RAP1GDS1: variants seen among roughly 807,000 people sequenced by gnomAD.
RAP1GDS1 encodes Rap1 GTPase-GDP dissociation stimulator 1.
A neutral mutation model predicts 71.1 loss-of-function variants in RAP1GDS1; 35 were observed. That is an observed-to-expected ratio of 0.49 (90% CI 0.38 to 0.65). The LOEUF (loss-of-function observed/expected upper bound fraction) is 0.65. Among genes scored for constraint, RAP1GDS1 ranks in the 30% least tolerant of loss-of-function variants. The pLI is 0.00. For missense variants in RAP1GDS1, 663 were observed against 706.1 expected (o/e 0.94, Z 0.69); for synonymous variants, 229 against 243.1 (o/e 0.94, Z 0.54).
intron 5 of RAP1GDS1, among the ~76,000 whole-genome samples, chr4:98,388,923 TAAG>T (rs1182419740): frequency 6.6e-5 from 10 of 152,230 alleles, no homozygotes; most frequent in Non-Finnish European, 1.2e-4. Flanking sequence ...CATTTTAAAA[TAAG>T]AAACCTATTA....
At chr4:98,291,899 A>G (rs1350791517) in intron 1 of RAP1GDS1, among the ~76,000 whole-genome samples, 2 of 152,176 alleles carry the variant, frequency 1.3e-5, no homozygotes, top group Non-Finnish European at 2.9e-5. Flanking sequence ...CAGGGCAACT[A>G]ACCTTTAAGG....
chr4:98,395,582 A>T (rs912604602), intron 6 of RAP1GDS1, among the ~76,000 whole-genome samples: 13 of 152,206 alleles, frequency 8.5e-5, no homozygotes, highest in African/African-American at 3.1e-4. Flanking sequence ...TTGGGAAAAA[A>T]GTGAAAGGTT....
intron 4 of RAP1GDS1, among the ~76,000 whole-genome samples, chr4:98,376,330 A>G (rs1242497686): frequency 6.6e-5 from 10 of 152,022 alleles, no homozygotes; most frequent in Non-Finnish European, 1.2e-4. Flanking sequence ...AGGATAGGGA[A>G]CCTTTTGAGA....
At chr4:98,270,717 T>C (rs997244748) in intron 1 of RAP1GDS1, among the ~76,000 whole-genome samples, 2 of 149,628 alleles carry the variant, frequency 1.3e-5, no homozygotes, top group East Asian at 3.9e-4. Flanking sequence ...TCCACTTCCA[T>C]GTGGATTTTT....
At chr4:98,325,863 G>C (rs931060498) in intron 2 of RAP1GDS1, among the ~76,000 whole-genome samples, 6 of 150,762 alleles carry the variant, frequency 4.0e-5, no homozygotes, top group Non-Finnish European at 1.5e-5. Context: ...CATGGCACAT[G>C]TATACATATG....
At chr4:98,379,837 T>G (rs923827611) in intron 5 of RAP1GDS1, among the ~76,000 whole-genome samples, 3 of 151,922 alleles carry the variant, frequency 2.0e-5, no homozygotes, top group African/African-American at 7.2e-5. Flanking sequence ...TGAATCACTG[T>G]GTGGATCAGA....
At chr4:98,433,907 C>G (rs1750800397) in intron 12 of RAP1GDS1, 29 bp from the exon 13 acceptor site, 1 of 1,577,316 alleles carries the variant, frequency 6.3e-7, no homozygotes, top group South Asian at 1.1e-5. Context: ...AAATTAAAGT[C>G]TATAATTCTC....
chr4:98,278,934 G>A (rs1034748127), intron 1 of RAP1GDS1, among the ~76,000 whole-genome samples: 5 of 151,986 alleles, frequency 3.3e-5, no homozygotes, highest in Admixed American at 1.3e-4. Flanking sequence ...TAATAATAGG[G>A]CCACTAGGCC....
chr4:98,268,453 A>G (rs1722994239), intron 1 of RAP1GDS1, among the ~76,000 whole-genome samples: 1 of 152,174 alleles, frequency 6.6e-6, no homozygotes, highest in East Asian at 1.9e-4. Context: ...AGATAGTACT[A>G]GAAGTCCTAG....
Position 98,318,879 on chromosome 4 carries a change from T to G in RAP1GDS1, c.113-24260T>G, listed in dbSNP as rs373865013. On this transcript the variant is annotated intron_variant, in intron 2 of 14. Transcript: ENST00000408927. Reference sequence around the variant, plus strand: ...TACAAATTGTTTATTTCCAGAACTTTCCATTTAATATTCTCAGACCACAGT... The same window carrying G: ...TACAAATTGTTTATTTCCAGAACTTGCCATTTAATATTCTCAGACCACAGT... Among the ~76,000 whole-genome samples, 40 of 152,292 alleles carry G rather than the reference T, an allele frequency of 2.6e-4. 1 individual carries two copies. The South Asian group carries it at 7.9e-3, about 30-fold the overall frequency.
intron 6 of RAP1GDS1, among the ~76,000 whole-genome samples, chr4:98,398,682 C>G (rs1319620403): frequency 6.6e-6 from 1 of 152,078 alleles, no homozygotes; most frequent in African/African-American, 2.4e-5. Flanking sequence ...TCAAGAAAAA[C>G]CTACAGACTC....
At position 98,327,206 on chromosome 4, in the gene RAP1GDS1, A is replaced by C. The variant is rs560734696; in HGVS notation, c.113-15933A>C. 9.2e-4 allele frequency among the ~76,000 whole-genome samples: 140 copies of C among 152,314 alleles called. 3 individuals carry two copies. The highest frequency in any genetic ancestry group is 3.2e-3 in the African/African-American group (135 of 41,570). On this transcript the variant is annotated intron_variant, in intron 2 of 14. Transcript: ENST00000408927. ...TTGTTGGTCAGCCTAAATAACAGAG[A>C]GAGGCTCTCTTAACAGAAATGATAT... is the stretch of plus-strand genomic sequence containing the variant.
intron 5 of RAP1GDS1, among the ~76,000 whole-genome samples, chr4:98,382,740 T>C (rs965229853): frequency 6.6e-6 from 1 of 151,682 alleles, no homozygotes; most frequent in Non-Finnish European, 1.5e-5. Flanking sequence ...TTTTTCTGGA[T>C]ACTTATTATC....
rs371674332 is a variant in RAP1GDS1, at chr4:98,420,014, T to C, written c.1175-5T>C. The C allele has an allele frequency of 1.7e-5, 27 of 1,587,486 alleles. No individual in the cohort carries two copies. In the African/African-American group the frequency reaches 1.9e-4, roughly 11 times the overall value. On this transcript the variant is annotated splice_polypyrimidine_tract_variant and splice_region_variant and intron_variant, in intron 10 of 14. Coordinates refer to ENST00000408927, the MANE Select transcript of RAP1GDS1 (RefSeq NM_001100427.2). ...ATTTTAACCATAGTCTCTCTTTTTC[T>C]CCAGTTATAAATAAAGCAAAGATGT... is the stretch of plus-strand genomic sequence containing the variant.
intron 1 of RAP1GDS1, among the ~76,000 whole-genome samples, chr4:98,267,837 A>T (rs1722910971): frequency 6.6e-6 from 1 of 152,110 alleles, no homozygotes; most frequent in Non-Finnish European, 1.5e-5. Flanking sequence ...TGGTAGCATG[A>T]TTTATTTTTC....
At chr4:98,275,570 C>A (rs1348620153) in intron 1 of RAP1GDS1, among the ~76,000 whole-genome samples, 1 of 152,110 alleles carries the variant, frequency 6.6e-6, no homozygotes, top group African/African-American at 2.4e-5. Flanking sequence ...ATTATTTTTG[C>A]ATTACTTTTA....
intron 4 of RAP1GDS1, among the ~76,000 whole-genome samples, chr4:98,356,472 T>C (rs1737987295): frequency 6.6e-6 from 1 of 152,044 alleles, no homozygotes; most frequent in Admixed American, 6.6e-5. Flanking sequence ...TAGTGTTCTG[T>C]TTTGTGGATA....
intron 5 of RAP1GDS1, among the ~76,000 whole-genome samples, chr4:98,388,697 G>A (rs533508901): frequency 1.3e-5 from 2 of 152,282 alleles, no homozygotes; most frequent in Non-Finnish European, 1.5e-5. Flanking sequence ...CCGCACTCCA[G>A]CCTGAGCAAC....
chr4:98,413,929 G>A (rs1013533839), intron 7 of RAP1GDS1, among the ~76,000 whole-genome samples: 4 of 152,250 alleles, frequency 2.6e-5, no homozygotes, highest in Admixed American at 6.5e-5. Context: ...GTGTGAGATG[G>A]TATCTCATGT....
Sources: allele counts gnomAD v4.1 joint callset (sites outside exome capture counted in the v4.1 genomes callset), GRCh38; gene constraint gnomAD v4.1.1; transcripts MANE v1.5; gene names NCBI Gene and HGNC (gene_info 2026-07-23, HGNC 2026-07-21).